NAALADL2: variants seen among roughly 807,000 people sequenced by gnomAD.
The protein encoded by NAALADL2 is inactive N-acetylated-alpha-linked acidic dipeptidase-like protein 2.
A neutral mutation model predicts 87.2 loss-of-function variants in NAALADL2; 76 were observed. The ratio of observed to expected loss-of-function variants is 0.87; its 90% confidence interval spans 0.72 to 1.05. The LOEUF (loss-of-function observed/expected upper bound fraction) is 1.05, where lower values mean the gene tolerates loss of function less well. Among genes scored for constraint, NAALADL2 ranks in the 50% least tolerant of loss-of-function variants. NAALADL2 has a pLI of 0.00. For missense variants in NAALADL2, 1,089 were observed against 945.8 expected, an observed-to-expected ratio of 1.15 and a Z score of -1.99; for synonymous variants, 354 against 331.0, an observed-to-expected ratio of 1.07 and a Z score of -0.75.
At chr3:175,516,427 A>C (rs1300690046) in intron 9 of NAALADL2, among the ~76,000 whole-genome samples, 13 of 152,210 alleles carry the variant, frequency 8.5e-5, no homozygotes, top group African/African-American at 3.1e-4. Flanking sequence ...TGTGTGTGAT[A>C]AGCTATGCAA....
chr3:174,981,131 T>C (rs1745054573), intron 1 of NAALADL2, among the ~76,000 whole-genome samples: 1 of 152,148 alleles, frequency 6.6e-6, no homozygotes, highest in East Asian at 1.9e-4. Context: ...AAGTCGGTTT[T>C]CCCCCTACTC....
At chr3:174,903,959 ATATC>A (rs1386182444) in intron 1 of NAALADL2, among the ~76,000 whole-genome samples, 1 of 110,702 alleles carries the variant, frequency 9.0e-6, no homozygotes, top group Non-Finnish European at 1.8e-5. Context: ...AGGAATATCT[ATATC>A]TATATCTATA....
chr3:174,453,934 C>G (rs1401159284), intron 1 of NAALADL2, among the ~76,000 whole-genome samples: 1 of 152,136 alleles, frequency 6.6e-6, no homozygotes, highest in Non-Finnish European at 1.5e-5. Context: ...TGTAAGTGAA[C>G]TAAATGCCTC....
intron 2 of NAALADL2, among the ~76,000 whole-genome samples, chr3:175,221,499 T>C (rs1743363152): frequency 6.6e-6 from 1 of 152,162 alleles, no homozygotes; most frequent in Non-Finnish European, 1.5e-5. Flanking sequence ...ATCTATTTTC[T>C]TGTTTTTCTT....
At chr3:174,715,426 G>A (rs1399768984) in intron 2 of NAALADL2, among the ~76,000 whole-genome samples, 1 of 152,044 alleles carries the variant, frequency 6.6e-6, no homozygotes, top group Non-Finnish European at 1.5e-5. Flanking sequence ...ATAAGCCCAG[G>A]ATTCATTTCT....
At chr3:175,666,980 T>G (rs1295272454) in intron 11 of NAALADL2, among the ~76,000 whole-genome samples, 1 of 151,932 alleles carries the variant, frequency 6.6e-6, no homozygotes, top group Non-Finnish European at 1.5e-5. Flanking sequence ...TAGTACAGGG[T>G]ATGCTTTTGA....
chr3:175,146,638 CAT>C (rs2108756897), intron 2 of NAALADL2, among the ~76,000 whole-genome samples: 1 of 152,144 alleles, frequency 6.6e-6, no homozygotes, highest in East Asian at 1.9e-4. Flanking sequence ...GCTTCAATCA[CAT>C]GAACTAAGAA....
intron 11 of NAALADL2, among the ~76,000 whole-genome samples, chr3:175,727,486 G>A (rs146894915): frequency 2.7e-4 from 41 of 152,244 alleles, no homozygotes; most frequent in African/African-American, 8.7e-4. Flanking sequence ...TATTCCAAAT[G>A]TTTCCTGGGA....
intron 5 of NAALADL2, chr3:175,397,244 T>A (rs537908198): frequency 9.2e-5 from 14 of 152,220 alleles, no homozygotes; most frequent in South Asian, 2.1e-4. Flanking sequence ...TATACATTTT[T>A]AAAAAAATAT....
At chr3:174,998,681 T>C (rs576548446) in intron 1 of NAALADL2, among the ~76,000 whole-genome samples, 45 of 152,308 alleles carry the variant, frequency 3.0e-4, no homozygotes, top group South Asian at 6.2e-4. Context: ...TCTTTTATAG[T>C]ACCTAAAAGT....
intron 4 of NAALADL2, among the ~76,000 whole-genome samples, chr3:175,308,388 A>G (rs1243828210): frequency 6.6e-6 from 1 of 152,164 alleles, no homozygotes; most frequent in Non-Finnish European, 1.5e-5. Context: ...TCTTCCTAGC[A>G]TCCTGTCTTA....
intron 2 of NAALADL2, among the ~76,000 whole-genome samples, chr3:174,569,042 G>T (rs1714619150): frequency 6.6e-6 from 1 of 150,790 alleles, no homozygotes; most frequent in African/African-American, 2.4e-5. Flanking sequence ...TATCTCTATG[G>T]CCTAATAATG....
chr3:174,741,613 C>G (rs193104876), intron 3 of NAALADL2, among the ~76,000 whole-genome samples: 1 of 151,474 alleles, frequency 6.6e-6, no homozygotes, highest in African/African-American at 2.4e-5. Flanking sequence ...AAACAATATT[C>G]ATATAGTGAA....
At chr3:175,705,150 A>G (rs1739503308) in intron 11 of NAALADL2, among the ~76,000 whole-genome samples, 1 of 152,100 alleles carries the variant, frequency 6.6e-6, no homozygotes. Flanking sequence ...GAAAGAAGAA[A>G]GGCGATGGAA....
At chr3:175,140,103 T>C (rs529518781) in intron 2 of NAALADL2, among the ~76,000 whole-genome samples, 16 of 152,150 alleles carry the variant, frequency 1.1e-4, no homozygotes, top group Non-Finnish European at 1.9e-4. Context: ...GCTCTGTCTG[T>C]CATCTGTATT....
chr3:175,633,275 G>T (rs910264525), intron 11 of NAALADL2, among the ~76,000 whole-genome samples: 2 of 152,042 alleles, frequency 1.3e-5, no homozygotes, highest in Admixed American at 1.3e-4. Context: ...CACTTGGCTT[G>T]TTCCTCATTA....
chr3:174,603,560 AATTTC>A (rs1418236335), intron 2 of NAALADL2, among the ~76,000 whole-genome samples: 48 of 151,498 alleles, frequency 3.2e-4, no homozygotes, highest in African/African-American at 1.0e-3. Context: ...ACCAACTTTT[AATTTC>A]ATTTATCTTT....
intron 1 of NAALADL2, among the ~76,000 whole-genome samples, chr3:174,444,543 A>G (rs754087222): frequency 3.3e-5 from 5 of 152,196 alleles, no homozygotes; most frequent in Non-Finnish European, 7.4e-5. Context: ...AGATTACAAG[A>G]TAAAAGGGGA....
chr3:175,675,443 G>C (rs1445323447), intron 11 of NAALADL2: 1 of 152,082 alleles, frequency 6.6e-6, no homozygotes, highest in Non-Finnish European at 1.5e-5. Context: ...TGACCAACTG[G>C]AACAACTTGA....
Sources: allele counts gnomAD v4.1 joint callset (sites outside exome capture counted in the v4.1 genomes callset), GRCh38; gene constraint gnomAD v4.1.1; transcripts MANE v1.5; gene names NCBI Gene and HGNC (gene_info 2026-07-23, HGNC 2026-07-21).